Variants in BICC1 observed in about 807,000 individuals in gnomAD.
BICC1 encodes the protein BicC family RNA binding protein 1.
A neutral mutation model predicts 111.0 loss-of-function variants in BICC1; 43 were observed. The observed-to-expected ratio is 0.39, with a 90% CI of 0.30 to 0.50. The LOEUF is 0.50. BICC1 is among the 20% of genes least tolerant of loss of function. BICC1 has a pLI of 0.88. For missense variants in BICC1, 1,091 were observed against 1,203.2 expected, an observed-to-expected ratio of 0.91 and a Z score of 1.38; for synonymous variants, 467 against 434.4, an observed-to-expected ratio of 1.07 and a Z score of -0.93.
At chr10:58,809,429 G>A (rs755949755) in intron 17 of BICC1, among the ~76,000 whole-genome samples, 15 of 151,710 alleles carry the variant, frequency 9.9e-5, no homozygotes, top group Non-Finnish European at 1.5e-4. Flanking sequence ...TGGTAGAGTC[G>A]TGGTTTCACC....
At position 58,813,916 on chromosome 10, in the gene BICC1, A is replaced by C. The variant is rs1379423848; in HGVS notation, c.2463A>C (p.Gly821=). 6.2e-7 allele frequency: 1 copy of C among 1,613,952 alleles called. No homozygotes were observed. Among genetic ancestry groups the C allele is most frequent in the Non-Finnish European group, 8.5e-7 (1 of 1,179,950 alleles). Residue 821 remains glycine (G), a synonymous_variant, in exon 18 of 21, where the codon GGA becomes GGC. Transcript: ENST00000373886. ...SESDNWRDRN[G]IGPGSHSEFA... is the part of the protein sequence containing the mutation. The stretch of plus-strand genomic sequence containing the variant: ...CTGATAACTGGAGAGACCGAAATGG[A>C]ATTGGACCTGGAAGTCATAGTGAAT...
intron 3 of BICC1, among the ~76,000 whole-genome samples, chr10:58,714,852 T>C (rs1466631741): frequency 2.0e-5 from 3 of 150,234 alleles, no homozygotes; most frequent in African/African-American, 7.4e-5. Flanking sequence ...GAAGACACTG[T>C]GTGGCATTTC....
intron 2 of BICC1, among the ~76,000 whole-genome samples, chr10:58,653,882 C>T (rs1838536630): frequency 6.9e-6 from 1 of 144,422 alleles, no homozygotes; most frequent in Non-Finnish European, 1.5e-5. Context: ...CTTCCTGTGT[C>T]CATGTGATCT....
At chr10:58,726,559 C>T (rs891169935) in intron 3 of BICC1, among the ~76,000 whole-genome samples, 3 of 152,184 alleles carry the variant, frequency 2.0e-5, no homozygotes, top group Admixed American at 6.5e-5. Flanking sequence ...TCAAGTATCA[C>T]ATGTATATTT....
Position 58,513,319 on chromosome 10 carries a change from AGG to A in BICC1, c.177_178del (p.Glu59AspfsTer8). The stretch of plus-strand genomic sequence containing the variant: ...TTCCGCGTGGACAGGAAGAAACTTG[AGG>A]CCATGTTACAAGGTAGGCATCCCTC... On this transcript the variant is annotated frameshift_variant, in exon 1 of 21. Transcript: ENST00000373886. LOFTEE classifies it high-confidence loss of function. The A allele has an allele frequency of 6.2e-7, 1 of 1,607,174 alleles. No homozygotes were observed. The highest frequency in any genetic ancestry group is 8.5e-7 in the Non-Finnish European group (1 of 1,175,826).
intron 3 of BICC1, among the ~76,000 whole-genome samples, chr10:58,773,151 A>G (rs1298981591): frequency 6.6e-6 from 1 of 152,168 alleles, no homozygotes; most frequent in Non-Finnish European, 1.5e-5. Flanking sequence ...TGTGAAGTTG[A>G]CTTGTAGAAA....
intron 2 of BICC1, among the ~76,000 whole-genome samples, chr10:58,676,437 G>C (rs933075770): frequency 7.9e-5 from 12 of 152,154 alleles, no homozygotes; most frequent in African/African-American, 2.9e-4. Flanking sequence ...AGCTTGGTAG[G>C]GGGAAGGGCA....
chr10:58,770,753 G>A (rs1842602060), intron 3 of BICC1, among the ~76,000 whole-genome samples: 1 of 152,150 alleles, frequency 6.6e-6, no homozygotes, highest in Non-Finnish European at 1.5e-5. Context: ...TGAGATTTTG[G>A]TTGTTAAAAG....
chr10:58,626,318 G>A (rs941438884), intron 2 of BICC1, among the ~76,000 whole-genome samples: 1 of 152,156 alleles, frequency 6.6e-6, no homozygotes, highest in Non-Finnish European at 1.5e-5. Context: ...CCCTGAGAAT[G>A]TTCCAGTGAC....
chr10:58,744,648 C>T (rs1841776116), intron 3 of BICC1, among the ~76,000 whole-genome samples: 1 of 150,802 alleles, frequency 6.6e-6, no homozygotes, highest in South Asian at 2.1e-4. Flanking sequence ...TAAAATCTTA[C>T]ATTCCATGAT....
rs569210143 is a variant in BICC1, at chr10:58,796,488, A to G, written c.1328A>G (p.Asp443Gly). 4.3e-6 allele frequency: 7 copies of G among 1,614,010 alleles called. No individual in the cohort carries two copies. In the Admixed American group the frequency reaches 5.0e-5, roughly 12 times the overall value. ...CPAGLACPSL[D>G]ILASAGLGLT... is the part of the protein sequence containing the mutation. ...GCCGGCCTGGCATGTCCCAGCCTGG[A>G]TATCTTAGCTTCAGCAGGCCTTGGA... Residue 443 changes from aspartate (D) to glycine (G), a missense_variant, in exon 10 of 21, where the codon GAT (aspartate) becomes GGT (glycine). This residue lies in a region of BICC1 where 843 missense variants were observed against 900.8 expected (regional missense o/e 0.94). Transcript: ENST00000373886.
chr10:58,516,527 A>G (rs369162815), intron 1 of BICC1, among the ~76,000 whole-genome samples: 13 of 152,134 alleles, frequency 8.5e-5, no homozygotes, highest in East Asian at 7.7e-4. Flanking sequence ...TCTAATTACT[A>G]CTTCGAAACA....
intron 2 of BICC1, among the ~76,000 whole-genome samples, chr10:58,638,859 CTTTTT>C (rs1382703778): frequency 9.1e-3 from 1 of 110 alleles, no homozygotes; most frequent in African/African-American, 0.038. Context: ...CTTTTCTTTT[CTTTTT>C]TCTCTTCTCT....
chr10:58,808,628 CTCAT>C (rs1317902844), intron 17 of BICC1, among the ~76,000 whole-genome samples: 1 of 152,014 alleles, frequency 6.6e-6, no homozygotes, highest in East Asian at 1.9e-4. Context: ...TGAGCTGTGT[CTCAT>C]TCAGGTTGTG....
chr10:58,704,291 A>C (rs1840327076), intron 3 of BICC1, among the ~76,000 whole-genome samples: 1 of 152,170 alleles, frequency 6.6e-6, no homozygotes, highest in African/African-American at 2.4e-5. Context: ...GGATGTATAT[A>C]GTACTATATG....
At chr10:58,541,701 A>G (rs1345105030) in intron 1 of BICC1, among the ~76,000 whole-genome samples, 1 of 152,142 alleles carries the variant, frequency 6.6e-6, no homozygotes, top group Non-Finnish European at 1.5e-5. Flanking sequence ...AATAGAAAAA[A>G]AAATTCTAAA....
chr10:58,612,704 A>C (rs1317253800), intron 1 of BICC1, among the ~76,000 whole-genome samples: 1 of 152,184 alleles, frequency 6.6e-6, no homozygotes, highest in Admixed American at 6.5e-5. Flanking sequence ...TTCTTGCTCA[A>C]ATTCCAAAGG....
At chr10:58,663,320 G>A (rs953272676) in intron 2 of BICC1, among the ~76,000 whole-genome samples, 3 of 152,070 alleles carry the variant, frequency 2.0e-5, no homozygotes, top group African/African-American at 7.2e-5. Context: ...ACCCACCTCG[G>A]CCTCCCAAAG....
chr10:58,807,271 C>T, intron 17 of BICC1, 113 bp downstream of exon 17: 2 of 990,520 alleles, frequency 2.0e-6, no homozygotes, highest in Non-Finnish European at 2.9e-6. Context: ...TTAGTGGTGA[C>T]TTGTTTTTAT....
Sources: gnomAD v4.1 joint callset for allele counts (sites outside exome capture counted in the v4.1 genomes callset) on GRCh38, gnomAD v4.1.1 for gene constraint, gnomAD v4.1.1 regional missense constraint, MANE v1.5 for transcripts, NCBI Gene and HGNC (gene_info 2026-07-23, HGNC 2026-07-21) for gene names.